ERC2: variants seen among roughly 807,000 people sequenced by gnomAD.
ERC2 encodes the protein ERC protein 2.
In ERC2, 42 loss-of-function variants were observed where a neutral mutation model predicts 114.8. That is an observed-to-expected ratio of 0.37 (90% CI 0.29 to 0.47). ERC2 has a LOEUF of 0.47. Ranked by LOEUF, ERC2 falls within the 20% of genes least tolerant of loss-of-function variation. The pLI, the probability that ERC2 is intolerant of heterozygous loss-of-function variation, is 0.99. For synonymous variants in ERC2, 454 were observed against 425.5 expected (o/e 1.07, Z -0.82); for missense variants, 939 against 1,150.7 (o/e 0.82, Z 2.66).
intron 6 of ERC2, among the ~76,000 whole-genome samples, chr3:56,111,132 T>C (rs138409483): frequency 2.0e-5 from 3 of 152,272 alleles, no homozygotes; most frequent in Non-Finnish European, 4.4e-5. Flanking sequence ...TGTCCTGGTG[T>C]GTCCCTGAGG....
chr3:55,808,154 G>C (rs529647754), intron 14 of ERC2, among the ~76,000 whole-genome samples: 24 of 152,262 alleles, frequency 1.6e-4, no homozygotes, highest in Admixed American at 3.3e-4. Context: ...TAAGTGGATG[G>C]TGAGTGCACC....
intron 15 of ERC2, among the ~76,000 whole-genome samples, chr3:55,723,989 A>G (rs1308523728): frequency 6.6e-6 from 1 of 152,172 alleles, no homozygotes; most frequent in African/African-American, 2.4e-5. Flanking sequence ...GATGAGAGGA[A>G]GGAACGGAGG....
chr3:56,407,566 C>T (rs370103275), intron 2 of ERC2, among the ~76,000 whole-genome samples: 1 of 152,184 alleles, frequency 6.6e-6, no homozygotes, highest in East Asian at 1.9e-4. Context: ...ACTTCTCACA[C>T]TTATTGTACA....
At chr3:55,767,749 G>A (rs984785501) in intron 14 of ERC2, among the ~76,000 whole-genome samples, 1 of 152,206 alleles carries the variant, frequency 6.6e-6, no homozygotes, top group Non-Finnish European at 1.5e-5. Context: ...AATGAGTGAT[G>A]TCTGATGTAG....
At chr3:56,090,665 TC>T (rs1397249500) in intron 6 of ERC2, among the ~76,000 whole-genome samples, 3 of 149,656 alleles carry the variant, frequency 2.0e-5, no homozygotes, top group African/African-American at 7.3e-5. Context: ...TTTCATATTT[TC>T]TTTTTTTTTT....
Position 56,007,184 on chromosome 3 carries a change from T to G in ERC2, c.2058A>C (p.Lys686Asn). Residue 686 changes from lysine (K) to asparagine (N), a missense_variant, in exon 10 of 18, where the codon AAA becomes AAC. This residue lies in a region of ERC2 where 328 missense variants were observed against 353.9 expected (regional missense o/e 0.93). Transcript: ENST00000288221. ...CTTTTTCTTAGACTTCACTTACCTT[T>G]TTTAACTGTGCTTCCAATTTGCTAC... The part of the protein sequence containing the change: ...EECSKLEAQL[K>N]KAHNIEDDSR... The G allele has an allele frequency of 6.4e-7, 1 of 1,561,166 alleles. No homozygotes were observed. Among genetic ancestry groups the G allele is most frequent in the Non-Finnish European group, 8.7e-7 (1 of 1,152,294 alleles).
intron 2 of ERC2, among the ~76,000 whole-genome samples, chr3:56,301,718 A>T (rs1489003728): frequency 1.3e-5 from 2 of 151,498 alleles, no homozygotes; most frequent in African/African-American, 4.9e-5. Context: ...ATAAAAATAA[A>T]AAAAAAAATT....
intron 14 of ERC2, among the ~76,000 whole-genome samples, chr3:55,842,283 T>A (rs750883679): frequency 2.4e-4 from 37 of 152,126 alleles, no homozygotes; most frequent in Non-Finnish European, 4.9e-4. Context: ...GCCAAAAAAT[T>A]GCACCCTTTT....
At chr3:56,331,972 C>T (rs959295511) in intron 2 of ERC2, among the ~76,000 whole-genome samples, 3 of 152,306 alleles carry the variant, frequency 2.0e-5, no homozygotes, top group Non-Finnish European at 2.9e-5. Context: ...AGGCCTGATT[C>T]CTGCTGAAGA....
At position 56,133,098 on chromosome 3, in the gene ERC2, C is replaced by T. The variant is rs570411661; in HGVS notation, c.1473+6411G>A. On this transcript the variant is annotated intron_variant, in intron 6 of 17. Transcript: ENST00000288221. ...AGCATTCTTGAAAATTCCGTGAACT[C>T]ACCTGTCAAGACAGAATTATAAAAC... is the stretch of plus-strand genomic sequence containing the variant. Among the ~76,000 whole-genome samples, 13 of 152,284 alleles carry T rather than the reference C, an allele frequency of 8.5e-5. No individual in the cohort carries two copies. The East Asian group carries it at 1.7e-3, about 20-fold the overall frequency.
At chr3:56,417,563 T>A (rs553737547) in intron 2 of ERC2, among the ~76,000 whole-genome samples, 10 of 152,240 alleles carry the variant, frequency 6.6e-5, no homozygotes, top group Admixed American at 2.0e-4. Context: ...GTATTCTAAT[T>A]CCACTGACTC....
intron 14 of ERC2, among the ~76,000 whole-genome samples, chr3:55,877,784 A>T (rs941469949): frequency 2.0e-5 from 3 of 152,146 alleles, no homozygotes; most frequent in African/African-American, 7.2e-5. Context: ...AAGTGCTGAG[A>T]TTACATAAAT....
intron 9 of ERC2, among the ~76,000 whole-genome samples, chr3:56,007,652 G>A (rs577385016): frequency 5.3e-5 from 8 of 152,128 alleles, no homozygotes; most frequent in Non-Finnish European, 7.4e-5. Flanking sequence ...TGAACCTTCC[G>A]TTTACATTTA....
intron 7 of ERC2, among the ~76,000 whole-genome samples, chr3:56,057,576 C>T (rs1463008545): frequency 6.6e-6 from 1 of 152,172 alleles, no homozygotes; most frequent in Non-Finnish European, 1.5e-5. Flanking sequence ...AAGCAACTTC[C>T]CAGAACCTTG....
chr3:55,641,489 G>C (rs2060180213), intron 17 of ERC2, among the ~76,000 whole-genome samples: 1 of 132,178 alleles, frequency 7.6e-6, no homozygotes, highest in Non-Finnish European at 1.6e-5. Flanking sequence ...GGCAGAGGTT[G>C]CAGTGAGCCA....
intron 14 of ERC2, among the ~76,000 whole-genome samples, chr3:55,831,797 C>A (rs144628676): frequency 6.6e-6 from 1 of 152,120 alleles, no homozygotes; most frequent in African/African-American, 2.4e-5. Context: ...CGAAGCAGGG[C>A]GAGGCATTGC....
intron 17 of ERC2, among the ~76,000 whole-genome samples, chr3:55,638,296 T>C (rs549783205): frequency 5.8e-4 from 88 of 152,360 alleles, no homozygotes; most frequent in African/African-American, 2.0e-3. Context: ...ATTAAGCTGT[T>C]AAAAGCACAA....
rs373433581 is a variant in ERC2 at position 55,664,499 on chromosome 3, C to A, written c.*39+19295G>T. Among the ~76,000 whole-genome samples the A allele has an allele frequency of 2.6e-5, 4 of 152,334 alleles. No individual in the cohort carries two copies. In the East Asian group the frequency reaches 7.7e-4, roughly 29 times the overall value. On this transcript the variant is annotated intron_variant, in intron 17 of 17. Coordinates refer to ENST00000288221, the MANE Select transcript of ERC2 (RefSeq NM_015576.3). ...TCAACCACTCCTGAGCCCGAGCTCA[C>A]GAACCGCCATCGCTGCAGAGGAGAC...
intron 14 of ERC2, among the ~76,000 whole-genome samples, chr3:55,751,571 A>AC (rs1402403505): frequency 6.6e-6 from 1 of 152,214 alleles, no homozygotes; most frequent in Non-Finnish European, 1.5e-5. Context: ...AGACTTGGGA[A>AC]CATGGTAGTT....
Sources: allele counts gnomAD v4.1 joint callset (sites outside exome capture counted in the v4.1 genomes callset), GRCh38; gene constraint gnomAD v4.1.1; regional missense constraint gnomAD v4.1.1; transcripts MANE v1.5; gene names NCBI Gene and HGNC (gene_info 2026-07-23, HGNC 2026-07-21).